The following GALNT13 variants were observed in gnomAD, a reference collection of about 807,000 sequenced individuals.
GALNT13 encodes polypeptide N-acetylgalactosaminyltransferase 13, also known as UDP-GalNAc:polypeptide N-acetylgalactosaminyltransferase 13.
In GALNT13, 28 loss-of-function variants were observed where a neutral mutation model predicts 64.2. The observed-to-expected ratio is 0.44, with a 90% confidence interval of 0.32 to 0.60. The LOEUF (loss-of-function observed/expected upper bound fraction) is 0.60, where lower values mean the gene tolerates loss of function less well. Ranked by LOEUF, GALNT13 falls within the 20% of genes least tolerant of loss-of-function variation. The pLI, the probability that GALNT13 is intolerant of heterozygous loss-of-function variation, is 0.05. For missense variants in GALNT13, 577 were observed against 669.8 expected (o/e 0.86, Z 1.53); for synonymous variants, 214 against 224.6 (o/e 0.95, Z 0.42).
chr2:153,593,363 T>G, the GALNT13 span: 1 of 152,146 alleles, frequency 6.6e-6, no homozygotes, highest in Admixed American at 6.6e-5. Flanking sequence ...ATAATCCTCC[T>G]AGGTACACAA....
the GALNT13 span, among the ~76,000 whole-genome samples, chr2:153,725,581 G>T: frequency 6.6e-6 from 1 of 151,848 alleles, no homozygotes; most frequent in African/African-American, 2.4e-5. Flanking sequence ...AATGATAAAT[G>T]GATAGGGAAT....
chr2:153,485,053 G>A, the GALNT13 span, among the ~76,000 whole-genome samples: 2 of 152,144 alleles, frequency 1.3e-5, no homozygotes, highest in African/African-American at 4.8e-5. Context: ...GGGAAAAGGT[G>A]GTACCTTGTT....
chr2:154,211,151 G>T (rs1302787133), intron 4 of GALNT13, among the ~76,000 whole-genome samples: 1 of 152,026 alleles, frequency 6.6e-6, no homozygotes, highest in Non-Finnish European at 1.5e-5. Context: ...TGTGTCCTTA[G>T]GTTATTTTGT....
the GALNT13 span, among the ~76,000 whole-genome samples, chr2:153,099,967 T>C: frequency 1.3e-5 from 2 of 152,220 alleles, no homozygotes; most frequent in African/African-American, 4.8e-5. Flanking sequence ...AAACACGTTT[T>C]TGTAACCTAA....
the GALNT13 span, among the ~76,000 whole-genome samples, chr2:153,121,089 A>T: frequency 2.9e-4 from 44 of 152,276 alleles, no homozygotes; most frequent in African/African-American, 1.1e-3. Context: ...GGTAGAAGAG[A>T]AAAACATGAT....
chr2:154,406,152 T>C (rs1699529809), intron 10 of GALNT13, among the ~76,000 whole-genome samples: 1 of 152,164 alleles, frequency 6.6e-6, no homozygotes, highest in Admixed American at 6.6e-5. Context: ...GCTTGGCATG[T>C]TTCTTGATGT....
the GALNT13 span, among the ~76,000 whole-genome samples, chr2:153,740,887 G>T: frequency 6.6e-6 from 1 of 152,044 alleles, no homozygotes; most frequent in Non-Finnish European, 1.5e-5. Flanking sequence ...TCTCTCCTTT[G>T]CAATATTCCT....
chr2:153,105,915 C>T, the GALNT13 span, among the ~76,000 whole-genome samples: 2 of 151,940 alleles, frequency 1.3e-5, no homozygotes, highest in Non-Finnish European at 2.9e-5. Flanking sequence ...ACCATCTATG[C>T]TTTCTTTTTA....
chr2:153,259,363 AT>A, the GALNT13 span, among the ~76,000 whole-genome samples: 48 of 146,820 alleles, frequency 3.3e-4, no homozygotes, highest in East Asian at 3.2e-3. Flanking sequence ...TAGGTCTTGT[AT>A]TTTTTTTTTA....
At chr2:153,334,570 A>T in the GALNT13 span, among the ~76,000 whole-genome samples, 1 of 152,140 alleles carries the variant, frequency 6.6e-6, no homozygotes, top group Admixed American at 6.6e-5. Context: ...AATTTTGGCA[A>T]ACCACTCATG....
At chr2:153,300,347 G>T in the GALNT13 span, among the ~76,000 whole-genome samples, 3 of 152,044 alleles carry the variant, frequency 2.0e-5, no homozygotes, top group African/African-American at 7.3e-5. Flanking sequence ...TCAAGCTACA[G>T]TATACGGTAA....
intron 4 of GALNT13, among the ~76,000 whole-genome samples, chr2:154,213,622 A>T (rs1270611330): frequency 6.6e-6 from 1 of 152,036 alleles, no homozygotes; most frequent in Non-Finnish European, 1.5e-5. Context: ...GTGAAAAAAA[A>T]AAAACGGAAT....
the GALNT13 span, among the ~76,000 whole-genome samples, chr2:153,645,118 A>C: frequency 8.5e-5 from 13 of 152,112 alleles, no homozygotes; most frequent in African/African-American, 3.1e-4. Flanking sequence ...ATTAACTGCA[A>C]AGAGTTAGAG....
At chr2:153,623,672 A>G in the GALNT13 span, among the ~76,000 whole-genome samples, 1 of 152,018 alleles carries the variant, frequency 6.6e-6, no homozygotes, top group East Asian at 1.9e-4. Flanking sequence ...TATATTTTAT[A>G]TATATTATGC....
At chr2:153,649,292 T>G in the GALNT13 span, among the ~76,000 whole-genome samples, 9 of 152,236 alleles carry the variant, frequency 5.9e-5, 1 homozygote, top group African/African-American at 2.2e-4. Flanking sequence ...TTTCTATTTC[T>G]GTGGGATCAG....
At chr2:153,355,878 A>G in the GALNT13 span, among the ~76,000 whole-genome samples, 1 of 152,184 alleles carries the variant, frequency 6.6e-6, no homozygotes, top group East Asian at 1.9e-4. Flanking sequence ...TTCAAAATTA[A>G]AAGTCAATTA....
At chr2:153,526,694 TTAAA>T in the GALNT13 span, among the ~76,000 whole-genome samples, 13 of 152,082 alleles carry the variant, frequency 8.5e-5, no homozygotes, top group Non-Finnish European at 1.8e-4. Flanking sequence ...CCTCACCAAA[TTAAA>T]TAAATAAGGC....
At chr2:154,410,089 C>A (rs1423674496) in intron 11 of GALNT13, among the ~76,000 whole-genome samples, 1 of 151,698 alleles carries the variant, frequency 6.6e-6, no homozygotes, top group African/African-American at 2.4e-5. Context: ...ATATTTAAAC[C>A]AAATTTCTAA....
chr2:154,027,182 A>T (rs1698029688), intron 3 of GALNT13, among the ~76,000 whole-genome samples: 1 of 152,172 alleles, frequency 6.6e-6, no homozygotes, highest in South Asian at 2.1e-4. Flanking sequence ...TTTGCTCTTG[A>T]CAGCATATGG....
Sources: gnomAD v4.1 joint callset for allele counts (sites outside exome capture counted in the v4.1 genomes callset) on GRCh38, gnomAD v4.1.1 for gene constraint, MANE v1.5 for transcripts, NCBI Gene and HGNC (gene_info 2026-07-23, HGNC 2026-07-21) for gene names.